Variants in CHMP1A observed in about 807,000 individuals in gnomAD.
CHMP1A encodes VPS46 homolog A.
Under a neutral mutation model 27.0 loss-of-function variants are expected in CHMP1A, and 17 were observed. That is an observed-to-expected ratio of 0.63 (90% CI 0.43 to 0.95). The LOEUF (loss-of-function observed/expected upper bound fraction) is 0.95, where lower values mean the gene tolerates loss of function less well. Ranked by LOEUF, CHMP1A falls within the 40% of genes least tolerant of loss-of-function variation. The pLI, the probability that CHMP1A is intolerant of heterozygous loss-of-function variation, is 0.00. For synonymous variants in CHMP1A, 131 were observed against 107.5 expected, an observed-to-expected ratio of 1.22 and a Z score of -1.35; for missense variants, 275 against 264.0, an observed-to-expected ratio of 1.04 and a Z score of -0.29.
At chr16:89,655,991 G>A (rs184376071) in intron 1 of CHMP1A, among the ~76,000 whole-genome samples, 78 of 152,084 alleles carry the variant, frequency 5.1e-4, no homozygotes, top group African/African-American at 1.8e-3. Flanking sequence ...TGGGGTTACA[G>A]GCCTGAGCCA....
At chr16:89,651,296 G>A (rs553695678) in intron 3 of CHMP1A, among the ~76,000 whole-genome samples, 38 of 144,514 alleles carry the variant, frequency 2.6e-4, no homozygotes, top group Admixed American at 8.8e-4. Flanking sequence ...ACTTGAACCC[G>A]GGAGGCGGAG....
At chr16:89,648,891 G>A (rs1487741429) in intron 4 of CHMP1A, among the ~76,000 whole-genome samples, 1 of 150,836 alleles carries the variant, frequency 6.6e-6, no homozygotes, top group Non-Finnish European at 1.5e-5. Context: ...CGGGCATGGT[G>A]GTGGATGCCT....
chr16:89,653,883 G>C, intron 2 of CHMP1A, 21 bp downstream of exon 2: 1 of 1,612,328 alleles, frequency 6.2e-7, no homozygotes, highest in Non-Finnish European at 8.5e-7. Context: ...GGGCTGGGGT[G>C]AACGGCCATT....
chr16:89,649,155 TAACTCAA>T lies in CHMP1A; in HGVS notation c.252+189_252+195del, dbSNP rs2059804507. The stretch of plus-strand genomic sequence containing the variant: ...TTTCCCACCCCACGCTGATCCAGCT[TAACTCAA>T]CCTCCCCACCCCACGCTGATCCAGC... On this transcript the variant is annotated intron_variant, in intron 4 of 6. Transcript: ENST00000397901. The T allele has an allele frequency of 7.8e-6, 3 of 382,678 alleles. No homozygotes were observed. In the African/African-American group the frequency reaches 1.2e-4, roughly 15 times the overall value. The allele number at this position is 382,678 out of a possible 1,614,324, so 23.7% of individuals were successfully genotyped here. A position where few individuals can be genotyped will look rare whatever the true frequency, so the allele number is the denominator to read the frequency against.
intron 3 of CHMP1A, 45 bp from the exon 4 acceptor site, chr16:89,649,542 T>C: frequency 1.9e-6 from 3 of 1,608,870 alleles, no homozygotes; most frequent in Non-Finnish European, 2.5e-6. Context: ...TGGTGGTGTG[T>C]GTGCCCCCTG....
rs750396267 is a variant in CHMP1A at position 89,649,470 on chromosome 16, C to CACACTCT, written c.126_132dup (p.Ala45ArgfsTer206). The CACACTCT allele has an allele frequency of 6.2e-7, 1 of 1,613,750 alleles. No individual in the cohort carries two copies. The highest frequency in any genetic ancestry group is 1.1e-5 in the South Asian group (1 of 91,082). ...ATGGCGTTCTCGGCATACACACGGGCACACTCTACATTTTTCTGCAGAAGG... is the reference window on the plus strand; with the variant it reads ...ATGGCGTTCTCGGCATACACACGGGCACACTCTACACTCTACATTTTTCTGCAGAAGG... On this transcript the variant is annotated frameshift_variant, in exon 4 of 7. Transcript: ENST00000397901.
At chr16:89,655,418 TTTCC>T (rs1282219037) in intron 1 of CHMP1A, among the ~76,000 whole-genome samples, 58 of 150,198 alleles carry the variant, frequency 3.9e-4, no homozygotes, top group African/African-American at 1.2e-3. Flanking sequence ...TCACCTCAGC[TTTCC>T]CTCACCTCAG....
At chr16:89,653,242 T>C (rs1270534943) in intron 2 of CHMP1A, among the ~76,000 whole-genome samples, 1 of 149,304 alleles carries the variant, frequency 6.7e-6, no homozygotes, top group Non-Finnish European at 1.5e-5. Context: ...TCTCCTGACC[T>C]TGTGATCCAC....
chr16:89,645,769 C>G lies in CHMP1A; in HGVS notation c.*297G>C. The G allele has an allele frequency of 4.2e-6, 3 of 709,228 alleles. No homozygotes were observed. The highest frequency in any genetic ancestry group is 6.5e-6 in the Non-Finnish European group (3 of 464,252). 43.9% of individuals were successfully genotyped at this position (709,228 alleles called of 1,614,324 possible). A position where few individuals can be genotyped will look rare whatever the true frequency, so the allele number is the denominator to read the frequency against. On this transcript the variant is annotated 3_prime_UTR_variant, in exon 7 of 7. Transcript: ENST00000397901. ...TCTGCTGCCCCAGAGTCTGAAGGCC[C>G]CCACAGTGCTGGGTGAAAGTCCACA...
At position 89,645,086 on chromosome 16, in the gene CHMP1A, C is replaced by T. The variant is rs1597783285; in HGVS notation, c.*980G>A. 6.6e-6 allele frequency: 1 copy of T among 152,390 alleles called. No homozygotes were observed. The highest frequency in any genetic ancestry group is 1.5e-5 in the Non-Finnish European group (1 of 68,130). 9.4% of individuals were successfully genotyped at this position (152,390 alleles called of 1,614,324 possible). A position where few individuals can be genotyped will look rare whatever the true frequency, so the allele number is the denominator to read the frequency against. The stretch of plus-strand genomic sequence containing the variant: ...CCCAGCCCAGCTGAAGACGGCTCTC[C>T]TGAGCTCCCTTCATCAGCTGCCTTG... On this transcript the variant is annotated 3_prime_UTR_variant, in exon 7 of 7. Transcript: ENST00000397901.
At chr16:89,647,545 G>C (rs1029014985) in intron 4 of CHMP1A, among the ~76,000 whole-genome samples, 1 of 147,496 alleles carries the variant, frequency 6.8e-6, no homozygotes, top group African/African-American at 2.6e-5. Context: ...GGTCAGTGGA[G>C]AAAAGGCCGC....
intron 2 of CHMP1A, among the ~76,000 whole-genome samples, 198 bp from the exon 3 acceptor site, chr16:89,651,844 A>G (rs1037962270): frequency 1.3e-5 from 2 of 152,256 alleles, no homozygotes; most frequent in Non-Finnish European, 2.9e-5. Context: ...AGATGGCACC[A>G]GCTGGAGGAG....
intron 1 of CHMP1A, among the ~76,000 whole-genome samples, chr16:89,656,739 T>G (rs920657971): frequency 1.3e-5 from 2 of 152,200 alleles, no homozygotes; most frequent in Admixed American, 6.5e-5. Context: ...GTGATGCTGT[T>G]TGGGGCAGGG....
At chr16:89,656,183 C>T (rs1228530060) in intron 1 of CHMP1A, among the ~76,000 whole-genome samples, 1 of 152,250 alleles carries the variant, frequency 6.6e-6, no homozygotes, top group Non-Finnish European at 1.5e-5. Context: ...GTCGCCCAGG[C>T]TGGAGTGAAG....
At chr16:89,654,090 G>C (rs1011547397) in intron 1 of CHMP1A, among the ~76,000 whole-genome samples, 167 bp from the exon 2 acceptor site, 2 of 152,204 alleles carry the variant, frequency 1.3e-5, no homozygotes, top group East Asian at 3.8e-4. Context: ...GGAGGCACGA[G>C]ACAGATTCGT....
intron 4 of CHMP1A, chr16:89,649,030 T>C (rs963866055): frequency 8.4e-5 from 22 of 262,538 alleles, no homozygotes; most frequent in African/African-American, 4.9e-4. Flanking sequence ...CTCTAAAAAA[T>C]ATATATTTAA....
In CHMP1A at chr16:89,646,562, G is replaced by C. The variant is rs780365757; in HGVS notation, c.534C>G (p.Ser178Arg). The change falls in exon 6 of 7, where the codon AGC becomes AGG. Residue 178 changes from serine to arginine, a missense_variant. Ser to Arg is a moderately radical substitution (Grantham distance 110, BLOSUM62 -1). Transcript: ENST00000397901. ...LPEGASAVGE[S>R]SVRSQEDQLS... is the part of the protein sequence containing the mutation. Reference sequence around the variant, plus strand: ...GCTGGTCCTCCTGGCTGCGCACAGAGCTCTCGCCCACGGCAGAGGCGCCCT... The same window carrying C: ...GCTGGTCCTCCTGGCTGCGCACAGACCTCTCGCCCACGGCAGAGGCGCCCT... 1.3e-6 allele frequency: 2 copies of C among 1,594,310 alleles called. No individual in the cohort carries two copies. Among genetic ancestry groups the C allele is most frequent in the South Asian group, 2.3e-5 (2 of 87,472 alleles).
intron 1 of CHMP1A, among the ~76,000 whole-genome samples, chr16:89,655,517 C>T (rs894139845): frequency 3.3e-5 from 5 of 152,308 alleles, no homozygotes; most frequent in Admixed American, 1.3e-4. Context: ...CCGTGTGTGG[C>T]AGCACAAAAA....
At chr16:89,649,541 G>C in intron 3 of CHMP1A, 44 bp from the exon 4 acceptor site, 4 of 1,609,398 alleles carry the variant, frequency 2.5e-6, no homozygotes, top group Non-Finnish European at 3.4e-6. Context: ...TTGGTGGTGT[G>C]TGTGCCCCCT....
Sources: allele counts gnomAD v4.1 joint callset (sites outside exome capture counted in the v4.1 genomes callset), GRCh38; gene constraint gnomAD v4.1.1; transcripts MANE v1.5; gene names NCBI Gene and HGNC (gene_info 2026-07-23, HGNC 2026-07-21).